The following RBFOX2 variants were observed in gnomAD, a reference collection of about 807,000 sequenced individuals.
RBFOX2 encodes RNA binding fox-1 homolog 2, also known as RNA binding protein fox-1 homolog 2.
Under a neutral mutation model 49.1 loss-of-function variants are expected in RBFOX2, and 10 were observed. The ratio of observed to expected loss-of-function variants is 0.20; its 90% CI spans 0.13 to 0.35. The LOEUF is 0.35. RBFOX2 is among the 10% of genes least tolerant of loss of function. The probability of loss-of-function intolerance (pLI) is 1.00; values close to 1 mark genes in which losing one functional copy is unlikely to be tolerated. For synonymous variants in RBFOX2, 183 were observed against 187.4 expected, an observed-to-expected ratio of 0.98 and a Z score of 0.19; for missense variants, 323 against 486.9, an observed-to-expected ratio of 0.66 and a Z score of 3.17.
chr22:35,912,146 G>A (rs2049903940), intron 1 of RBFOX2, among the ~76,000 whole-genome samples: 1 of 152,118 alleles, frequency 6.6e-6, no homozygotes, highest in Non-Finnish European at 1.5e-5. Context: ...ACTATTTGTT[G>A]AGGTGATCTG....
intron 1 of RBFOX2, among the ~76,000 whole-genome samples, chr22:35,867,896 C>T (rs1311633088): frequency 6.6e-6 from 1 of 152,114 alleles, no homozygotes; most frequent in Non-Finnish European, 1.5e-5. Context: ...ATATCCAACA[C>T]AGCATATCAC....
intron 1 of RBFOX2, among the ~76,000 whole-genome samples, chr22:35,947,609 G>C (rs967750978): frequency 4.2e-5 from 6 of 142,518 alleles, no homozygotes; most frequent in African/African-American, 1.6e-4. Context: ...TTTTGTCCCC[G>C]TGGAGGCCTA....
intron 4 of RBFOX2, 186 bp downstream of exon 5, chr22:35,777,839 A>G (rs1353996146): frequency 1.2e-5 from 7 of 604,690 alleles, no homozygotes; most frequent in East Asian, 8.4e-5. Context: ...CCACCCCCAT[A>G]TAAGTATCAG....
chr22:35,973,418 C>T (rs976917548), intron 1 of RBFOX2, among the ~76,000 whole-genome samples: 1 of 152,220 alleles, frequency 6.6e-6, no homozygotes, highest in Non-Finnish European at 1.5e-5. Context: ...CCAAGCCACA[C>T]TGGTGACAAC....
chr22:36,010,732 T>TACAC (rs34495987), intron 1 of RBFOX2, among the ~76,000 whole-genome samples: 1,867 of 137,032 alleles, frequency 0.014, 9 homozygotes, highest in East Asian at 0.032. Context: ...TACTGTTCAG[T>TACAC]ACACACACAC....
chr22:35,859,750 C>T (rs1304070243), intron 1 of RBFOX2, among the ~76,000 whole-genome samples: 1 of 152,086 alleles, frequency 6.6e-6, no homozygotes, highest in Non-Finnish European at 1.5e-5. Flanking sequence ...AAGTTAGAGG[C>T]AGGGTTTTCA....
intron 1 of RBFOX2, among the ~76,000 whole-genome samples, chr22:36,023,075 AAAC>A (rs2059305206): frequency 1.3e-5 from 2 of 151,972 alleles, no homozygotes; most frequent in Admixed American, 1.3e-4. Flanking sequence ...AAGAAAAAAA[AAAC>A]ACAATATTTT....
chr22:35,795,381 A>G (rs6000006), intron 2 of RBFOX2, among the ~76,000 whole-genome samples: 34,048 of 151,930 alleles, frequency 0.22, 5,957 homozygotes, highest in African/African-American at 0.49. Flanking sequence ...AAGGTAATAT[A>G]GCCCAACAAT....
At chr22:35,778,110 T>C (rs201104655) in intron 3 of RBFOX2, 32 bp from the exon 5 acceptor site, 118 of 1,558,674 alleles carry the variant, frequency 7.6e-5, no homozygotes, top group Non-Finnish European at 9.8e-5. Flanking sequence ...CGTTTACTTA[T>C]GGTCAGGTTT....
intron 1 of RBFOX2, among the ~76,000 whole-genome samples, chr22:36,005,380 T>C (rs1236666253): frequency 6.6e-6 from 1 of 152,174 alleles, no homozygotes; most frequent in Non-Finnish European, 1.5e-5. Flanking sequence ...TGCCCATAAA[T>C]GTGAACGATT....
intron 7 of RBFOX2, 49 bp from the exon 9 acceptor site, chr22:35,761,343 G>T: frequency 6.2e-7 from 1 of 1,612,308 alleles, no homozygotes; most frequent in Non-Finnish European, 8.5e-7. Flanking sequence ...TTAAAAAGGA[G>T]TCACAAATTG....
chr22:35,901,276 T>A (rs1228851663), intron 1 of RBFOX2, among the ~76,000 whole-genome samples: 1 of 152,122 alleles, frequency 6.6e-6, no homozygotes, highest in Non-Finnish European at 1.5e-5. Flanking sequence ...GAATCAAGAC[T>A]GGAAAAAAAA....
At chr22:35,917,218 A>G (rs2050530301) in intron 1 of RBFOX2, among the ~76,000 whole-genome samples, 1 of 152,234 alleles carries the variant, frequency 6.6e-6, no homozygotes, top group Non-Finnish European at 1.5e-5. Context: ...ACACAACAAA[A>G]AAGAAGGGGA....
At chr22:35,958,778 A>AT (rs1449141438) in intron 1 of RBFOX2, among the ~76,000 whole-genome samples, 7 of 152,146 alleles carry the variant, frequency 4.6e-5, no homozygotes, top group Non-Finnish European at 8.8e-5. Flanking sequence ...CAGGAATTAC[A>AT]TTTTTTTAAA....
At chr22:35,756,586 G>A (rs1937014649) in intron 9 of RBFOX2, among the ~76,000 whole-genome samples, 1 of 152,208 alleles carries the variant, frequency 6.6e-6, no homozygotes, top group African/African-American at 2.4e-5. Flanking sequence ...ATGAAAAACT[G>A]AACCCAAAGA....
chr22:35,883,238 A>G (rs879311319), intron 1 of RBFOX2, among the ~76,000 whole-genome samples: 2 of 152,066 alleles, frequency 1.3e-5, no homozygotes, highest in Non-Finnish European at 2.9e-5. Context: ...GCCTCTTTTC[A>G]TTTTGTACTG....
intron 1 of RBFOX2, among the ~76,000 whole-genome samples, chr22:36,001,098 C>T (rs2058396296): frequency 6.6e-6 from 1 of 151,460 alleles, no homozygotes; most frequent in African/African-American, 2.4e-5. Context: ...AAAGAAGGTC[C>T]TTCTCAGAAA....
intron 1 of RBFOX2, among the ~76,000 whole-genome samples, chr22:35,951,256 T>C (rs1445606080): frequency 7.2e-5 from 10 of 138,756 alleles, no homozygotes; most frequent in Admixed American, 3.6e-4. Flanking sequence ...TTTTTTTTTT[T>C]TTTTTTTTGA....
intron 2 of RBFOX2, among the ~76,000 whole-genome samples, chr22:35,797,329 G>A (rs1294108708): frequency 6.6e-6 from 1 of 152,002 alleles, no homozygotes; most frequent in African/African-American, 2.4e-5. Context: ...AGAAAAAAAT[G>A]GTGCTCCATG....
Sources: gnomAD v4.1 joint callset for allele counts (sites outside exome capture counted in the v4.1 genomes callset) on GRCh38, gnomAD v4.1.1 for gene constraint, MANE v1.5 for transcripts, NCBI Gene and HGNC (gene_info 2026-07-23, HGNC 2026-07-21) for gene names.